PSD3: variants seen among roughly 807,000 people sequenced by gnomAD.
PSD3 encodes PH and SEC7 domain-containing protein 3.
PSD3 carries 49 observed loss-of-function variants against 105.5 expected under a neutral mutation model. The observed-to-expected ratio is 0.46, with a 90% CI of 0.37 to 0.59. PSD3 has a LOEUF of 0.59. Ranked by LOEUF, PSD3 falls within the 20% of genes least tolerant of loss-of-function variation. The pLI is 0.00. For synonymous variants in PSD3, 557 were observed against 457.8 expected (o/e 1.22, Z -2.77); for missense variants, 1,561 against 1,263.8 (o/e 1.24, Z -3.57).
At chr8:18,817,847 G>A (rs910820619) in intron 4 of PSD3, among the ~76,000 whole-genome samples, 1 of 152,202 alleles carries the variant, frequency 6.6e-6, no homozygotes, top group African/African-American at 2.4e-5. Flanking sequence ...AAGCAAAGTG[G>A]ACAGAATGCA....
At chr8:19,003,854 T>C (rs1563501896) in intron 1 of PSD3, among the ~76,000 whole-genome samples, 1 of 151,948 alleles carries the variant, frequency 6.6e-6, no homozygotes, top group Non-Finnish European at 1.5e-5. Context: ...TGGCGAGGGA[T>C]GTTTGTCAAC....
At chr8:18,773,254 C>A (rs181281109) in intron 8 of PSD3, among the ~76,000 whole-genome samples, 1 of 152,184 alleles carries the variant, frequency 6.6e-6, no homozygotes, top group African/African-American at 2.4e-5. Context: ...TTCACACTAC[C>A]ATTTTTTAAA....
chr8:19,072,492 A>G (rs573040991), intron 1 of PSD3, among the ~76,000 whole-genome samples: 1 of 152,232 alleles, frequency 6.6e-6, no homozygotes, highest in Non-Finnish European at 1.5e-5. Flanking sequence ...GACATTAGGT[A>G]TACAGAACAC....
chr8:18,774,561 C>G (rs1807853528), intron 8 of PSD3: 2 of 331,360 alleles, frequency 6.0e-6, no homozygotes, highest in South Asian at 2.8e-5. Flanking sequence ...GCCTAGACCT[C>G]TTACTTCTGT....
chr8:18,959,876 T>C (rs1823806141), intron 1 of PSD3, among the ~76,000 whole-genome samples: 1 of 152,124 alleles, frequency 6.6e-6, no homozygotes. Context: ...TCTTACAAAT[T>C]CACCAATCAG....
rs541931648 is a variant in PSD3 at position 18,727,264 on chromosome 8, G to T, written c.2172+38185C>A. Among the ~76,000 whole-genome samples the T allele has an allele frequency of 2.0e-5, 3 of 150,122 alleles. No homozygotes were observed. The South Asian group carries it at 6.4e-4, about 32-fold the overall frequency. On this transcript the variant is annotated intron_variant, in intron 9 of 15. Coordinates refer to ENST00000327040, the MANE Select transcript of PSD3 (RefSeq NM_015310.4). ...AGGCAGGAGAATCGATTGAACCTGG[G>T]AGGCGGAGGTTGCAGTGAGCCGAGA...
intron 1 of PSD3, among the ~76,000 whole-genome samples, chr8:18,983,934 G>C (rs991484450): frequency 3.3e-5 from 5 of 149,628 alleles, no homozygotes; most frequent in African/African-American, 1.2e-4. Flanking sequence ...GCCCAAAAAA[G>C]TTCAAGATTG....
Position 18,535,500 on chromosome 8 carries a change from C to A in PSD3, c.*243G>T. ...GGATACATAATTCATTCTGAAATCACGATCCCCTCCTCCTCACAGAAAAGG... is the reference window on the plus strand; with the variant it reads ...GGATACATAATTCATTCTGAAATCAAGATCCCCTCCTCCTCACAGAAAAGG... On this transcript the variant is annotated 3_prime_UTR_variant, in exon 16 of 16. Transcript: ENST00000327040. 1 of 506,038 alleles carries A rather than the reference C, an allele frequency of 2.0e-6. No individual in the cohort carries two copies. Among genetic ancestry groups the A allele is most frequent in the Non-Finnish European group, 3.5e-6 (1 of 283,308 alleles). The allele number at this position is 506,038 out of a possible 1,614,324, so 31.3% of individuals were successfully genotyped here. A position where few individuals can be genotyped will look rare whatever the true frequency, so the allele number is the denominator to read the frequency against.
chr8:18,971,734 G>C (rs1048016412), intron 1 of PSD3, among the ~76,000 whole-genome samples: 2 of 152,196 alleles, frequency 1.3e-5, no homozygotes, highest in African/African-American at 4.8e-5. Context: ...GCCAGGTGCA[G>C]TGGCTCACAC....
chr8:18,945,290 A>C (rs1398613036), intron 1 of PSD3, among the ~76,000 whole-genome samples: 1 of 118,206 alleles, frequency 8.5e-6, no homozygotes, highest in South Asian at 2.7e-4. Context: ...ATGTATCCTT[A>C]TAAGAGGGAA....
intron 11 of PSD3, among the ~76,000 whole-genome samples, chr8:18,622,610 T>C (rs1806195202): frequency 6.6e-6 from 1 of 152,194 alleles, no homozygotes; most frequent in South Asian, 2.1e-4. Flanking sequence ...TATTGACCAA[T>C]AAAAATTGTA....
chr8:18,828,003 G>A (rs1813339661), intron 4 of PSD3, among the ~76,000 whole-genome samples: 1 of 139,656 alleles, frequency 7.2e-6, no homozygotes, highest in African/African-American at 2.7e-5. Context: ...TCCATACAAG[G>A]TAGACAATTT....
chr8:18,847,984 T>C lies in PSD3; in HGVS notation c.1634+19690A>G, dbSNP rs181154940. Among the ~76,000 whole-genome samples, 70 of 151,982 alleles carry C rather than the reference T, an allele frequency of 4.6e-4. 1 individual carries two copies. The highest frequency in any genetic ancestry group is 1.6e-3 in the African/African-American group (68 of 41,408). The stretch of plus-strand genomic sequence containing the variant: ...AAAAGACCCATGACAACTCAAAGAA[T>C]GTTGAAGATAAAGCAGACTGCAAAG... On this transcript the variant is annotated intron_variant, in intron 4 of 15. Coordinates refer to ENST00000327040, the MANE Select transcript of PSD3 (RefSeq NM_015310.4).
At chr8:19,051,527 A>C (rs1263406334) in intron 1 of PSD3, among the ~76,000 whole-genome samples, 1 of 152,194 alleles carries the variant, frequency 6.6e-6, no homozygotes, top group Non-Finnish European at 1.5e-5. Flanking sequence ...TGAATGTTTT[A>C]ATGAGTGTGT....
At chr8:19,044,915 C>T (rs142553546) in intron 1 of PSD3, among the ~76,000 whole-genome samples, 1 of 152,030 alleles carries the variant, frequency 6.6e-6, no homozygotes, top group Non-Finnish European at 1.5e-5. Context: ...CTGGGCATGG[C>T]GGATCATGCC....
chr8:18,954,224 A>G (rs1586514899), intron 1 of PSD3, among the ~76,000 whole-genome samples: 4 of 152,146 alleles, frequency 2.6e-5, no homozygotes, highest in Non-Finnish European at 5.9e-5. Flanking sequence ...AAAAATCTGG[A>G]AAAAATAAAA....
At chr8:18,652,338 G>T (rs1808549743) in intron 10 of PSD3, among the ~76,000 whole-genome samples, 1 of 152,070 alleles carries the variant, frequency 6.6e-6, no homozygotes, top group African/African-American at 2.4e-5. Flanking sequence ...TACATTGGAA[G>T]AAGACAATTC....
intron 14 of PSD3, among the ~76,000 whole-genome samples, chr8:18,568,252 C>G (rs1038479983): frequency 2.0e-5 from 3 of 152,140 alleles, no homozygotes; most frequent in Non-Finnish European, 4.4e-5. Context: ...CACTAAATAT[C>G]ACATTTTTAA....
At chr8:18,854,565 T>C (rs1815851973) in intron 4 of PSD3, among the ~76,000 whole-genome samples, 1 of 152,224 alleles carries the variant, frequency 6.6e-6, no homozygotes, top group Non-Finnish European at 1.5e-5. Context: ...CAAAGTAACT[T>C]TGCCACTGAT....
Sources: allele counts gnomAD v4.1 joint callset (sites outside exome capture counted in the v4.1 genomes callset), GRCh38; gene constraint gnomAD v4.1.1; transcripts MANE v1.5; gene names NCBI Gene and HGNC (gene_info 2026-07-23, HGNC 2026-07-21).